TAPBPL: variants seen among roughly 807,000 people sequenced by gnomAD.
TAPBPL encodes tapasin-related protein.
TAPBPL carries 32 observed loss-of-function variants against 44.8 expected under a neutral mutation model. That is an observed-to-expected ratio of 0.71 (90% CI 0.54 to 0.96). The LOEUF (loss-of-function observed/expected upper bound fraction) is 0.96. Among genes scored for constraint, TAPBPL ranks in the 40% least tolerant of loss-of-function variants. TAPBPL has a pLI of 0.00. For synonymous variants in TAPBPL, 230 were observed against 240.7 expected (o/e 0.96, Z 0.41); for missense variants, 520 against 586.6 (o/e 0.89, Z 1.17).
chr12:6,469,377 G>T (rs1188977214), downstream of TAPBPL, among the ~76,000 whole-genome samples: 1 of 152,172 alleles, frequency 6.6e-6, no homozygotes, highest in African/African-American at 2.4e-5. Context: ...GTTGCCTTCT[G>T]TTCATCCCAC....
chr12:6,466,407 G>A, downstream of TAPBPL: 1 of 1,572,578 alleles, frequency 6.4e-7, no homozygotes, highest in Admixed American at 1.9e-5. Flanking sequence ...AAGGAGCTGG[G>A]CGTGGTAGCA....
chr12:6,466,182 C>T (rs771820804), downstream of TAPBPL: 5 of 1,613,782 alleles, frequency 3.1e-6, no homozygotes, highest in Admixed American at 6.7e-5. Flanking sequence ...TGTTTCCAAA[C>T]TCCTAGATTT....
chr12:6,463,882 G>A (rs148986639), downstream of TAPBPL: 3,983 of 1,278,774 alleles, frequency 3.1e-3, 110 homozygotes, highest in Admixed American at 0.061. The surrounding 1 kb of genome is among the most constrained non-coding windows in gnomAD (Gnocchi z 4.0). Flanking sequence ...AATCCTGGAC[G>A]AACAGATTAG....
chr12:6,456,844 G>A (rs1373354465), intron 3 of TAPBPL, among the ~76,000 whole-genome samples: 1 of 151,996 alleles, frequency 6.6e-6, no homozygotes, highest in Non-Finnish European at 1.5e-5. Flanking sequence ...GTAGAGACAG[G>A]GTTTTACCAT....
downstream of TAPBPL, chr12:6,466,171 T>C (rs1008394041): frequency 6.2e-7 from 1 of 1,613,568 alleles, no homozygotes; most frequent in African/African-American, 1.3e-5. Context: ...AAGTTCCCTT[T>C]TGTTTCCAAA....
At chr12:6,465,976 C>T (rs1407985560), downstream of TAPBPL, 1 of 1,614,128 alleles carries the variant, frequency 6.2e-7, no homozygotes, top group African/African-American at 1.3e-5. Context: ...ACCTTGTCCA[C>T]GTTCACACGT....
chr12:6,470,670 A>G (rs898982701), downstream of TAPBPL: 1 of 1,106,716 alleles, frequency 9.0e-7, no homozygotes, highest in South Asian at 1.3e-5. Context: ...GCTGCGCTGG[A>G]ACTTACTGCA....
At chr12:6,454,023 A>AG (rs1555125589) in intron 3 of TAPBPL, among the ~76,000 whole-genome samples, 1 of 151,764 alleles carries the variant, frequency 6.6e-6, no homozygotes, top group East Asian at 1.9e-4. Flanking sequence ...CTCAAAAAAA[A>AG]AAAAGAAAAG....
chr12:6,452,074 C>A lies in TAPBPL; in HGVS notation c.-175C>A. The A allele has an allele frequency of 1.4e-6, 1 of 740,174 alleles. No homozygotes were observed. The highest frequency in any genetic ancestry group is 1.8e-5 in the South Asian group (1 of 56,924). The allele number at this position is 740,174 out of a possible 1,614,324, so 45.9% of individuals were successfully genotyped here. A position where few individuals can be genotyped will look rare whatever the true frequency, so the allele number is the denominator to read the frequency against. On this transcript the variant is annotated 5_prime_UTR_variant, in exon 1 of 7. Coordinates refer to ENST00000266556, the MANE Select transcript of TAPBPL (RefSeq NM_018009.5). The stretch of plus-strand genomic sequence containing the variant: ...TTCACACAGGGACGCGGGCTGCCAT[C>A]TTGCTCTAAGTGAAAGTGAAAGAAA...
downstream of TAPBPL, chr12:6,470,623 G>C (rs1012788950): frequency 8.4e-6 from 13 of 1,538,474 alleles, no homozygotes; most frequent in South Asian, 3.4e-5. Context: ...GGACGGAACT[G>C]CCAAGCTCCG....
chr12:6,462,950 A>G, downstream of TAPBPL: 1 of 1,554,534 alleles, frequency 6.4e-7, no homozygotes, highest in Non-Finnish European at 8.7e-7. Flanking sequence ...GACCCTGCCC[A>G]GCATGGCCTC....
downstream of TAPBPL, chr12:6,470,690 C>T: frequency 2.3e-6 from 2 of 887,538 alleles, no homozygotes; most frequent in Non-Finnish European, 3.6e-6. Context: ...AGCTGCCGCG[C>T]CGGCCTCCGC....
chr12:6,470,921 G>C, downstream of TAPBPL: 1 of 276,622 alleles, frequency 3.6e-6, no homozygotes, highest in South Asian at 4.7e-5. Context: ...GCGGAGGGAC[G>C]GGGCGGGGTG....
rs995172572 is a variant in TAPBPL, at chr12:6,453,389, G to A, written c.296-58G>A. The stretch of plus-strand genomic sequence containing the variant: ...ATTACAGCCACACATACTGCCTCCC[G>A]TTGGCCCTGGTGTTCTCACGCTAAT... On this transcript the variant is annotated intron_variant, in intron 2 of 6. Transcript: ENST00000266556. This position sits in a 1 kb window ranked among gnomAD's most constrained non-coding sequence, Gnocchi z 4.8. The A allele has an allele frequency of 2.4e-5, 38 of 1,608,432 alleles. No individual in the cohort carries two copies. The highest frequency in any genetic ancestry group is 4.0e-5 in the African/African-American group (3 of 74,954).
intron 3 of TAPBPL, among the ~76,000 whole-genome samples, chr12:6,454,916 G>A (rs896020726): frequency 3.3e-5 from 5 of 151,690 alleles, no homozygotes; most frequent in Admixed American, 6.6e-5. Flanking sequence ...AGAAAATTAG[G>A]GGCAACCGTC....
At chr12:6,458,587 C>A (rs965145269) in intron 4 of TAPBPL, 58 bp from the exon 5 acceptor site, 3 of 1,573,032 alleles carry the variant, frequency 1.9e-6, no homozygotes, top group Non-Finnish European at 2.6e-6. Context: ...AGGCTTCAGG[C>A]TCCTCCGCTG....
At chr12:6,460,230 A>C (rs1949812667) in intron 5 of TAPBPL, among the ~76,000 whole-genome samples, 1 of 152,008 alleles carries the variant, frequency 6.6e-6, no homozygotes, top group Admixed American at 6.6e-5. Flanking sequence ...TATTTACAAA[A>C]TCCCAGTTAA....
intron 1 of TAPBPL, chr12:6,452,622 G>A (rs1949584453): frequency 1.5e-6 from 2 of 1,306,366 alleles, no homozygotes; most frequent in Non-Finnish European, 1.9e-6. Flanking sequence ...CTCCCCAGGT[G>A]AGGAAATCAC....
rs758207098 is a variant in TAPBPL at position 6,457,566 on chromosome 12, C to A, written c.726C>A (p.Thr242=). The stretch of plus-strand genomic sequence containing the variant: ...GGGGTCAGTTGGTGTACAGCTGGAC[C>A]GCAGGGCAGGGGCAGGCTGTGCGGA... ...KGRGQLVYSW[T]AGQGQAVRKG... is the part of the protein sequence containing the mutation. The change falls in exon 4 of 7, where the codon ACC becomes ACA. Residue 242 remains threonine (T), a synonymous_variant. Transcript: ENST00000266556. 6.2e-7 allele frequency: 1 copy of A among 1,614,168 alleles called. No individual in the cohort carries two copies. Among genetic ancestry groups the A allele is most frequent in the East Asian group, 2.2e-5 (1 of 44,888 alleles).
Sources: gnomAD v4.1 joint callset for allele counts (sites outside exome capture counted in the v4.1 genomes callset) on GRCh38, gnomAD v4.1.1 for gene constraint, Gnocchi (gnomAD v3.1) non-coding constraint, MANE v1.5 for transcripts, NCBI Gene and HGNC (gene_info 2026-07-23, HGNC 2026-07-21) for gene names.